Variants in ARID1B observed in about 807,000 individuals in gnomAD.
ARID1B encodes AT-rich interaction domain 1B, also known as AT-rich interactive domain-containing protein 1B.
A neutral mutation model predicts 212.3 loss-of-function variants in ARID1B; 30 were observed. That is an observed-to-expected ratio of 0.14 (90% CI 0.11 to 0.19). The LOEUF (loss-of-function observed/expected upper bound fraction) is 0.19, where lower values mean the gene tolerates loss of function less well. Among genes scored for constraint, ARID1B ranks in the 10% least tolerant of loss-of-function variants. The probability of loss-of-function intolerance (pLI) is 1.00; values close to 1 mark genes in which losing one functional copy is unlikely to be tolerated. For missense variants in ARID1B, 2,891 were observed against 3,204.0 expected (o/e 0.90, Z 2.36); for synonymous variants, 1,402 against 1,301.7 (o/e 1.08, Z -1.66).
chr6:157,050,599 A>G (rs1030725659), intron 4 of ARID1B, among the ~76,000 whole-genome samples: 12 of 152,168 alleles, frequency 7.9e-5, no homozygotes, highest in African/African-American at 2.7e-4. Flanking sequence ...AGAAATCCTG[A>G]GTTTTATGAT....
intron 2 of ARID1B, among the ~76,000 whole-genome samples, chr6:156,894,777 A>G (rs905961382): frequency 1.3e-5 from 2 of 152,230 alleles, no homozygotes; most frequent in South Asian, 2.1e-4. Context: ...GCTCACATCA[A>G]GGAGGTTCTA....
intron 3 of ARID1B, among the ~76,000 whole-genome samples, chr6:156,923,898 G>A (rs1023978795): frequency 2.0e-5 from 3 of 151,894 alleles, no homozygotes; most frequent in Non-Finnish European, 2.9e-5. Context: ...AGGTTTCACC[G>A]CGTTGGCCAG....
chr6:156,908,681 C>A (rs1472293032), intron 3 of ARID1B, among the ~76,000 whole-genome samples: 2 of 151,790 alleles, frequency 1.3e-5, no homozygotes, highest in South Asian at 2.1e-4. Context: ...CTGAATCTTT[C>A]AACTTTTGAT....
chr6:157,004,983 ACTCACTGCAACCTCCAC>A (rs1273706778), intron 4 of ARID1B, among the ~76,000 whole-genome samples: 1 of 123,258 alleles, frequency 8.1e-6, no homozygotes, highest in Non-Finnish European at 1.6e-5. Flanking sequence ...CGTAATCCCG[ACTCACTGCAACCTCCAC>A]CTCCCGGATT....
At chr6:156,853,089 A>G (rs1784687899) in intron 2 of ARID1B, among the ~76,000 whole-genome samples, 2 of 152,336 alleles carry the variant, frequency 1.3e-5, no homozygotes, top group East Asian at 1.9e-4. Flanking sequence ...AGACCATGGT[A>G]TAGGGTGGTA....
At chr6:157,199,732 C>A (rs767906006) in intron 17 of ARID1B, among the ~76,000 whole-genome samples, 1 of 151,888 alleles carries the variant, frequency 6.6e-6, no homozygotes, top group Non-Finnish European at 1.5e-5. Flanking sequence ...GGTGCAATCT[C>A]GGCTCACTGC....
chr6:157,181,273 A>T, intron 12 of ARID1B, 95 bp downstream of exon 12: 2 of 1,444,674 alleles, frequency 1.4e-6, no homozygotes, highest in Non-Finnish European at 1.9e-6. Context: ...TTTTTTTCTC[A>T]CAAAGGAAAA....
intron 4 of ARID1B, among the ~76,000 whole-genome samples, chr6:156,989,625 C>T (rs1024062723): frequency 3.3e-5 from 5 of 152,206 alleles, no homozygotes; most frequent in Non-Finnish European, 7.3e-5. Context: ...ATCTCTAAGC[C>T]TCACTTTCCC....
intron 15 of ARID1B, chr6:157,194,796 A>G (rs1050425575): frequency 6.6e-6 from 1 of 152,210 alleles, no homozygotes; most frequent in African/African-American, 2.4e-5. Flanking sequence ...CAACCATTTC[A>G]TGAGATAATA....
chr6:157,180,715 TTTTTTG>T (rs1343336431), intron 11 of ARID1B, among the ~76,000 whole-genome samples: 2 of 152,224 alleles, frequency 1.3e-5, no homozygotes, highest in African/African-American at 4.8e-5. Context: ...GGCTTTGTTC[TTTTTTG>T]TTTTTGTTTT....
chr6:156,969,742 A>G (rs999498887), intron 4 of ARID1B, among the ~76,000 whole-genome samples: 32 of 152,148 alleles, frequency 2.1e-4, no homozygotes, highest in African/African-American at 6.5e-4. Flanking sequence ...GGGAACTTAG[A>G]CTCTGGAACA....
chr6:156,951,393 A>G (rs1377766149), intron 4 of ARID1B, among the ~76,000 whole-genome samples: 1 of 152,222 alleles, frequency 6.6e-6, no homozygotes, highest in Admixed American at 6.5e-5. Context: ...AGTAAAGGGG[A>G]AAAATTGGGA....
In ARID1B at chr6:156,980,259, G is replaced by C. The variant is rs56045723; in HGVS notation, c.2247+44683G>C. On this transcript the variant is annotated intron_variant, in intron 4 of 19. Coordinates refer to ENST00000636930, the MANE Select transcript of ARID1B (RefSeq NM_001374828.1). Reference sequence around the variant, plus strand: ...GCAATTTGGTAGGCCGAGGTGGGTAGATCACCTGCGGTCAGGAGTTCGAGA... The same window carrying C: ...GCAATTTGGTAGGCCGAGGTGGGTACATCACCTGCGGTCAGGAGTTCGAGA... Among the ~76,000 whole-genome samples the C allele has an allele frequency of 9.3e-3, 1,418 of 152,222 alleles. 18 individuals carry two copies. Among genetic ancestry groups the C allele is most frequent in the Non-Finnish European group, 0.012 (815 of 68,026 alleles).
At position 157,052,908 on chromosome 6, in the gene ARID1B, C is replaced by T. The variant is rs186834267; in HGVS notation, c.2248-31754C>T. Among the ~76,000 whole-genome samples the T allele has an allele frequency of 2.2e-3, 335 of 151,248 alleles. 1 individual carries two copies. The highest frequency in any genetic ancestry group is 7.6e-3 in the African/African-American group (311 of 41,182). Reference sequence around the variant, plus strand: ...CTAATTTTTGTATTTTTAGTAGAGACGGGGTTTCACCATGTTGGCCAGTAT... The same window carrying T: ...CTAATTTTTGTATTTTTAGTAGAGATGGGGTTTCACCATGTTGGCCAGTAT... On this transcript the variant is annotated intron_variant, in intron 4 of 19. Transcript: ENST00000636930.
At chr6:156,841,275 A>G (rs1562426741) in intron 2 of ARID1B, among the ~76,000 whole-genome samples, 2 of 151,914 alleles carry the variant, frequency 1.3e-5, no homozygotes, top group African/African-American at 4.9e-5. Flanking sequence ...TGCTGCCATT[A>G]TGCATACACT....
At chr6:157,188,784 A>G (rs966347107) in intron 13 of ARID1B, among the ~76,000 whole-genome samples, 8 of 152,240 alleles carry the variant, frequency 5.3e-5, no homozygotes, top group African/African-American at 1.9e-4. Context: ...TGAAACCAGT[A>G]TCTATTGATG....
rs1432761690 is a variant in ARID1B, at chr6:157,034,123, C to CA, written c.2248-50538dup. The stretch of plus-strand genomic sequence containing the variant: ...ACATCAAAGTTAAAAAGAAAAATAA[C>CA]ACAATGAATAATCTTATCTTTTCAT... On this transcript the variant is annotated intron_variant, in intron 4 of 19. Transcript: ENST00000636930. 2.0e-5 allele frequency among the ~76,000 whole-genome samples: 3 copies of CA among 152,176 alleles called. No homozygotes were observed. The East Asian group carries it at 5.8e-4, about 29-fold the overall frequency.
rs28571949 is a variant in ARID1B at position 157,132,895 on chromosome 6, G to C, written c.2582-133G>C. 15 of 984,620 alleles carry C rather than the reference G, an allele frequency of 1.5e-5. No homozygotes were observed. In the East Asian group the frequency reaches 4.1e-4, roughly 27 times the overall value. The allele number at this position is 984,620 out of a possible 1,614,324, so 61.0% of individuals were successfully genotyped here. A position where few individuals can be genotyped will look rare whatever the true frequency, so the allele number is the denominator to read the frequency against. ...TCCACGCTGAACTGAGATGTCTTTA[G>C]CTATTTTTTAGGAGAATCTTATGGT... On this transcript the variant is annotated intron_variant, in intron 6 of 19. Transcript: ENST00000636930.
intron 4 of ARID1B, among the ~76,000 whole-genome samples, chr6:157,002,594 G>A (rs754340408): frequency 3.9e-5 from 6 of 152,310 alleles, no homozygotes; most frequent in African/African-American, 7.2e-5. Context: ...TGATACATTT[G>A]TCCTTGGGAA....
Sources: gnomAD v4.1 joint callset for allele counts (sites outside exome capture counted in the v4.1 genomes callset) on GRCh38, gnomAD v4.1.1 for gene constraint, MANE v1.5 for transcripts, NCBI Gene and HGNC (gene_info 2026-07-23, HGNC 2026-07-21) for gene names.